MROH9: variants seen among roughly 807,000 people sequenced by gnomAD.
MROH9 encodes maestro heat-like repeat-containing protein family member 9.
Under a neutral mutation model 98.2 loss-of-function variants are expected in MROH9, and 92 were observed. The observed-to-expected ratio is 0.94, with a 90% CI of 0.79 to 1.11. The LOEUF (loss-of-function observed/expected upper bound fraction) is 1.11, where lower values mean the gene tolerates loss of function less well. MROH9 is among the 50% of genes most tolerant of loss of function. The probability of loss-of-function intolerance (pLI) is 0.00; values close to 1 mark genes in which losing one functional copy is unlikely to be tolerated. For missense variants in MROH9, 1,057 were observed against 1,014.8 expected (o/e 1.04, Z -0.57); for synonymous variants, 397 against 368.9 (o/e 1.08, Z -0.87).
In MROH9 at chr1:171,050,992, C is replaced by T. The variant is rs201159475; in HGVS notation, c.2282-11140C>T. Among the ~76,000 whole-genome samples, 5 of 152,062 alleles carry T rather than the reference C, an allele frequency of 3.3e-5. No individual in the cohort carries two copies. In the East Asian group the frequency reaches 5.8e-4, roughly 18 times the overall value. ...TTTTTATGTTGAATCATCCTACATCCTTGGAATGAAACCCACTTGATTGTG... is the reference window on the plus strand; with the variant it reads ...TTTTTATGTTGAATCATCCTACATCTTTGGAATGAAACCCACTTGATTGTG... On this transcript the variant is annotated intron_variant, in intron 20 of 21. Coordinates refer to ENST00000367759, the MANE Select transcript of MROH9 (RefSeq NM_001163629.2).
At chr1:171,038,116 A>C (rs1394673588) in intron 20 of MROH9, among the ~76,000 whole-genome samples, 2 of 152,158 alleles carry the variant, frequency 1.3e-5, no homozygotes, top group Non-Finnish European at 2.9e-5. Context: ...CAAAACTACT[A>C]TAAACAAAGT....
intron 20 of MROH9, among the ~76,000 whole-genome samples, chr1:171,038,035 CTAAG>C (rs1302692484): frequency 6.6e-6 from 1 of 151,690 alleles, no homozygotes; most frequent in African/African-American, 2.4e-5. Context: ...GAAGATCTTG[CTAAG>C]TAAGAGTCAA....
At chr1:171,051,025 A>T (rs78931728) in intron 20 of MROH9, among the ~76,000 whole-genome samples, 3,829 of 152,198 alleles carry the variant, frequency 0.025, 166 homozygotes, top group African/African-American at 0.087. Context: ...GTGGTATATT[A>T]TCTTTTTCAT....
At chr1:170,964,827 A>G (rs1434786274) in intron 6 of MROH9, among the ~76,000 whole-genome samples, 1 of 152,104 alleles carries the variant, frequency 6.6e-6, no homozygotes, top group African/African-American at 2.4e-5. Flanking sequence ...TTTGAAAGAA[A>G]AAGAGGAGGC....
intron 20 of MROH9, among the ~76,000 whole-genome samples, chr1:171,055,618 TAAA>T (rs1204544479): frequency 0.014 from 1,077 of 78,248 alleles, 10 homozygotes; most frequent in African/African-American, 0.036. Flanking sequence ...TGAGACTTCA[TAAA>T]AAAAAAAAAA....
intron 9 of MROH9, among the ~76,000 whole-genome samples, chr1:170,985,651 TA>T (rs1651104244): frequency 6.6e-6 from 1 of 152,210 alleles, no homozygotes; most frequent in Non-Finnish European, 1.5e-5. Context: ...TGCCCTCCAA[TA>T]TTTTTTAAAA....
At chr1:171,059,295 G>C (rs1653943596) in intron 20 of MROH9, among the ~76,000 whole-genome samples, 1 of 152,084 alleles carries the variant, frequency 6.6e-6, no homozygotes, top group African/African-American at 2.4e-5. Flanking sequence ...GAAAAAAAGT[G>C]CAACATCACT....
intron 7 of MROH9, among the ~76,000 whole-genome samples, chr1:170,968,629 T>A (rs889925194): frequency 1.3e-5 from 2 of 152,096 alleles, no homozygotes; most frequent in Non-Finnish European, 2.9e-5. Context: ...ATGCCTATAA[T>A]CCCAGTGCTT....
chr1:170,990,133 A>G (rs1651299726), intron 11 of MROH9, 130 bp downstream of exon 11: 5 of 929,232 alleles, frequency 5.4e-6, no homozygotes, highest in Non-Finnish European at 7.7e-6. Context: ...GAGAAAATCT[A>G]TTTTTGCACC....
intron 2 of MROH9, 37 bp downstream of exon 2, chr1:170,945,618 A>AT (rs889289100): frequency 6.3e-7 from 1 of 1,591,794 alleles, no homozygotes; most frequent in African/African-American, 1.3e-5. Flanking sequence ...GGGAGAAGGT[A>AT]TTTTTGTGTA....
intron 17 of MROH9, among the ~76,000 whole-genome samples, chr1:171,021,298 C>A (rs1192788554): frequency 6.6e-6 from 1 of 152,086 alleles, no homozygotes; most frequent in Non-Finnish European, 1.5e-5. Flanking sequence ...GCCCATATAG[C>A]CAAGACAATC....
chr1:170,956,888 T>C (rs1649783649), intron 3 of MROH9, among the ~76,000 whole-genome samples: 1 of 152,148 alleles, frequency 6.6e-6, no homozygotes, highest in Non-Finnish European at 1.5e-5. Context: ...TCCAGTACTA[T>C]GTTGAAGAGG....
rs1200271924 is a variant in MROH9, at chr1:170,983,418, G to A, written c.617-4G>A. On this transcript the variant is annotated splice_region_variant and splice_polypyrimidine_tract_variant and intron_variant, in intron 8 of 21. Transcript: ENST00000367759. ...ACCTGAAACTCTTTTTCTTAACAAA[G>A]CAGATATTGGAACAAATAAGCCTAC... 6.3e-7 allele frequency: 1 copy of A among 1,584,144 alleles called. No individual in the cohort carries two copies. The highest frequency in any genetic ancestry group is 8.7e-7 in the Non-Finnish European group (1 of 1,155,774).
chr1:171,039,889 T>TG lies in MROH9; in HGVS notation c.2281+14470dup, dbSNP rs371562474. ...GCTCCACCTGCCAATAAGAGTATCT[T>TG]GAGCTTTACTGCCAGTTGATTGTAT... On this transcript the variant is annotated intron_variant, in intron 20 of 21. Coordinates refer to ENST00000367759, the MANE Select transcript of MROH9 (RefSeq NM_001163629.2). 1.9e-3 allele frequency among the ~76,000 whole-genome samples: 285 copies of TG among 152,270 alleles called. 1 individual carries two copies. Among genetic ancestry groups the TG allele is most frequent in the African/African-American group, 6.6e-3 (276 of 41,578 alleles).
chr1:170,956,650 T>A (rs927518357), intron 3 of MROH9, among the ~76,000 whole-genome samples: 4 of 148,278 alleles, frequency 2.7e-5, no homozygotes, highest in Non-Finnish European at 3.0e-5. Flanking sequence ...GATTTGATTC[T>A]CCCCTTGGTC....
intron 20 of MROH9, among the ~76,000 whole-genome samples, chr1:171,061,430 C>G (rs1348313621): frequency 2.6e-5 from 4 of 152,160 alleles, no homozygotes; most frequent in African/African-American, 9.7e-5. Context: ...CTTCATCATT[C>G]ATAATAGCTC....
chr1:170,958,598 A>G (rs1649884841), intron 4 of MROH9, 58 bp downstream of exon 4: 2 of 1,174,258 alleles, frequency 1.7e-6, no homozygotes, highest in Non-Finnish European at 2.5e-6. Flanking sequence ...AAAATGTTAT[A>G]TCTTTAAAAA....
At chr1:170,976,261 T>C (rs923137538) in intron 8 of MROH9, among the ~76,000 whole-genome samples, 1 of 152,208 alleles carries the variant, frequency 6.6e-6, no homozygotes, top group Non-Finnish European at 1.5e-5. Context: ...TGTACTTCAG[T>C]GTATTTTTGC....
At chr1:171,009,055 T>G (rs868138127) in intron 15 of MROH9, among the ~76,000 whole-genome samples, 1 of 150,560 alleles carries the variant, frequency 6.6e-6, no homozygotes, top group Non-Finnish European at 1.5e-5. Flanking sequence ...TAAGGATTTT[T>G]AAATATATAC....
Sources: gnomAD v4.1 joint callset for allele counts (sites outside exome capture counted in the v4.1 genomes callset) on GRCh38, gnomAD v4.1.1 for gene constraint, MANE v1.5 for transcripts, NCBI Gene and HGNC (gene_info 2026-07-23, HGNC 2026-07-21) for gene names.